The following KCNIP4 variants were observed in gnomAD, a reference collection of about 807,000 sequenced individuals.
KCNIP4 encodes the protein potassium voltage-gated channel interacting protein 4.
In KCNIP4, 12 loss-of-function variants were observed where a neutral mutation model predicts 34.0. The ratio of observed to expected loss-of-function variants is 0.35; its 90% confidence interval spans 0.23 to 0.57. The LOEUF (loss-of-function observed/expected upper bound fraction) is 0.57. Among genes scored for constraint, KCNIP4 ranks in the 20% least tolerant of loss-of-function variants. KCNIP4 has a pLI of 0.83. For synonymous variants in KCNIP4, 124 were observed against 102.2 expected (o/e 1.21, Z -1.29); for missense variants, 238 against 311.7 (o/e 0.76, Z 1.78).
chr4:21,593,168 A>G lies in KCNIP4; in HGVS notation c.61+355403T>C, dbSNP rs115471284. Among the ~76,000 whole-genome samples the G allele has an allele frequency of 3.9e-3, 589 of 151,668 alleles. 3 individuals are homozygous for G. The highest frequency in any genetic ancestry group is 0.014 in the African/African-American group (559 of 41,320). The stretch of plus-strand genomic sequence containing the variant: ...GTGTTTCTTAACAGAGTGAAAAAAA[A>G]AAGTCCTGCTACTCCATAGATACCA... On this transcript the variant is annotated intron_variant, in intron 1 of 8. Transcript: ENST00000382152.
At chr4:20,740,106 T>A (rs1364363708) in intron 5 of KCNIP4, among the ~76,000 whole-genome samples, 6 of 152,124 alleles carry the variant, frequency 3.9e-5, no homozygotes, top group African/African-American at 1.4e-4. Flanking sequence ...AATCTACGTC[T>A]GATTGGTGTA....
At chr4:21,365,428 A>G (rs1361216282) in intron 1 of KCNIP4, among the ~76,000 whole-genome samples, 1 of 151,574 alleles carries the variant, frequency 6.6e-6, no homozygotes, top group Non-Finnish European at 1.5e-5. Flanking sequence ...CAGTGAGCCA[A>G]GATCACACCA....
At chr4:21,291,393 C>T (rs1763449530) in intron 1 of KCNIP4, among the ~76,000 whole-genome samples, 1 of 128,476 alleles carries the variant, frequency 7.8e-6, no homozygotes, top group African/African-American at 2.6e-5. Context: ...GATGCACATA[C>T]AAAATTATAA....
intron 1 of KCNIP4, among the ~76,000 whole-genome samples, chr4:21,430,490 T>TA (rs1726343581): frequency 6.6e-6 from 1 of 152,036 alleles, no homozygotes; most frequent in Non-Finnish European, 1.5e-5. Context: ...CAGCCATACT[T>TA]ATGACAGTGA....
At chr4:20,745,421 T>G (rs578184418) in intron 5 of KCNIP4, among the ~76,000 whole-genome samples, 1 of 152,194 alleles carries the variant, frequency 6.6e-6, no homozygotes, top group Non-Finnish European at 1.5e-5. Context: ...AGGAATGATA[T>G]CTTTTCGTGC....
chr4:21,752,089 T>C (rs1717188722), intron 1 of KCNIP4, among the ~76,000 whole-genome samples: 1 of 152,124 alleles, frequency 6.6e-6, no homozygotes, highest in Admixed American at 6.6e-5. Context: ...CATACTTTTC[T>C]GTTTTTCTCC....
At chr4:21,471,239 C>T (rs527677841) in intron 1 of KCNIP4, among the ~76,000 whole-genome samples, 3 of 152,190 alleles carry the variant, frequency 2.0e-5, no homozygotes, top group East Asian at 3.9e-4. Context: ...AAAACTTTTG[C>T]CCTAGGCCCA....
chr4:20,908,995 C>T (rs1340994888), intron 1 of KCNIP4, among the ~76,000 whole-genome samples: 1 of 152,122 alleles, frequency 6.6e-6, no homozygotes, highest in Non-Finnish European at 1.5e-5. Flanking sequence ...TGGAAACAAC[C>T]TCATGTCCTC....
At chr4:21,330,259 A>G (rs1310049987) in intron 1 of KCNIP4, among the ~76,000 whole-genome samples, 1 of 152,226 alleles carries the variant, frequency 6.6e-6, no homozygotes, top group African/African-American at 2.4e-5. Context: ...CAAATGTACA[A>G]TTAAAGAAGT....
intron 1 of KCNIP4, among the ~76,000 whole-genome samples, chr4:21,088,595 A>C (rs180781633): frequency 6.6e-6 from 1 of 152,096 alleles, no homozygotes; most frequent in African/African-American, 2.4e-5. Context: ...CTCATGATTC[A>C]TTATTTCCTC....
intron 1 of KCNIP4, among the ~76,000 whole-genome samples, chr4:21,405,641 G>A (rs1158498361): frequency 6.6e-6 from 1 of 152,096 alleles, no homozygotes; most frequent in Non-Finnish European, 1.5e-5. Flanking sequence ...AAACACCCAG[G>A]ATCATGCATG....
chr4:20,977,886 C>T (rs1266693114), intron 1 of KCNIP4, among the ~76,000 whole-genome samples: 1 of 152,192 alleles, frequency 6.6e-6, no homozygotes, highest in Non-Finnish European at 1.5e-5. Flanking sequence ...TTCTAAAGGC[C>T]TTACTCCCTC....
At chr4:21,943,847 G>A (rs964921149) in intron 1 of KCNIP4, among the ~76,000 whole-genome samples, 2 of 152,058 alleles carry the variant, frequency 1.3e-5, no homozygotes, top group Admixed American at 1.3e-4. Context: ...TAATCTTGGT[G>A]GTAGAAATGG....
intron 1 of KCNIP4, among the ~76,000 whole-genome samples, chr4:21,938,739 G>A (rs1044378914): frequency 7.2e-5 from 11 of 152,118 alleles, no homozygotes; most frequent in East Asian, 1.9e-4. Context: ...TATTTAGCAC[G>A]TGGCTTTGAA....
chr4:21,178,941 C>T (rs1308567845), intron 1 of KCNIP4, among the ~76,000 whole-genome samples: 1 of 151,594 alleles, frequency 6.6e-6, no homozygotes, highest in African/African-American at 2.4e-5. Flanking sequence ...CCTCATCCTA[C>T]TGAGTGGCTG....
At chr4:21,924,033 CT>C (rs1729089698) in intron 1 of KCNIP4, among the ~76,000 whole-genome samples, 1 of 152,108 alleles carries the variant, frequency 6.6e-6, no homozygotes, top group Non-Finnish European at 1.5e-5. Context: ...TGGGTTTCTA[CT>C]TCTACAATGC....
intron 1 of KCNIP4, among the ~76,000 whole-genome samples, chr4:21,523,045 G>C (rs550151732): frequency 8.6e-5 from 13 of 151,946 alleles, no homozygotes; most frequent in African/African-American, 2.9e-4. Flanking sequence ...AAAAAAAAAG[G>C]GGGGGACACT....
chr4:21,866,381 A>G (rs969326997), intron 1 of KCNIP4, among the ~76,000 whole-genome samples: 3 of 152,198 alleles, frequency 2.0e-5, no homozygotes, highest in Admixed American at 6.5e-5. Flanking sequence ...CAGCTCCACT[A>G]CCATAAATAA....
chr4:21,467,119 A>ACACACACAC (rs1560434385), intron 1 of KCNIP4, among the ~76,000 whole-genome samples: 3 of 79,698 alleles, frequency 3.8e-5, no homozygotes, highest in Non-Finnish European at 9.7e-5. Flanking sequence ...CACACACACA[A>ACACACACAC]AACAGAACAT....
Sources: gnomAD v4.1 joint callset for allele counts (sites outside exome capture counted in the v4.1 genomes callset) on GRCh38, gnomAD v4.1.1 for gene constraint, MANE v1.5 for transcripts, NCBI Gene and HGNC (gene_info 2026-07-23, HGNC 2026-07-21) for gene names.